PCLO: variants seen among roughly 807,000 people sequenced by gnomAD.
PCLO encodes piccolo presynaptic cytomatrix protein.
In PCLO, 82 loss-of-function variants were observed where a neutral mutation model predicts 427.5. That is an observed-to-expected ratio of 0.19 (90% confidence interval 0.16 to 0.23). The LOEUF is 0.23. Among genes scored for constraint, PCLO ranks in the 10% least tolerant of loss-of-function variants. PCLO has a pLI of 1.00. For synonymous variants in PCLO, 2,357 were observed against 2,155.4 expected (o/e 1.09, Z -2.59); for missense variants, 6,239 against 6,115.9 (o/e 1.02, Z -0.67).
At chr7:83,065,523 C>T (rs1475869718) in intron 3 of PCLO, among the ~76,000 whole-genome samples, 1 of 145,584 alleles carries the variant, frequency 6.9e-6, no homozygotes, top group Admixed American at 6.8e-5. Context: ...AAAGCAAGTA[C>T]TCCCCAGGCT....
At chr7:82,918,413 G>C (rs1584152079) in intron 6 of PCLO, among the ~76,000 whole-genome samples, 1 of 151,700 alleles carries the variant, frequency 6.6e-6, no homozygotes, top group African/African-American at 2.4e-5. Context: ...AGAAAACTAT[G>C]GTTTCTTGAT....
intron 4 of PCLO, among the ~76,000 whole-genome samples, chr7:82,960,703 GGAAT>G (rs776440727): frequency 3.3e-5 from 5 of 151,984 alleles, no homozygotes; most frequent in Non-Finnish European, 5.9e-5. Flanking sequence ...TTGAAAGATA[GGAAT>G]GAATGAAGTA....
rs745415216 is a variant in PCLO, at chr7:82,916,490, A to G, written c.11496T>C (p.Asp3832=). ...AYLQGVAEDR[D]YMSDSEVSST... ...TACTCACTTCACTGTCAGACATGTA[A>G]TCACGATCCTCAGCTACTCCCTGGA... Residue 3832 remains aspartate, a synonymous_variant, in exon 7 of 25, where the codon GAT becomes GAC. Transcript: ENST00000333891. The G allele has an allele frequency of 9.3e-6, 15 of 1,613,568 alleles. No homozygotes were observed. The Admixed American group carries it at 2.5e-4, about 27-fold the overall frequency.
At chr7:82,882,646 G>A (rs1459250184) in intron 9 of PCLO, among the ~76,000 whole-genome samples, 1 of 152,030 alleles carries the variant, frequency 6.6e-6, no homozygotes, top group Non-Finnish European at 1.5e-5. Flanking sequence ...TCAAAGGTTG[G>A]GATATTTATA....
chr7:83,159,518 A>G (rs1207967430), intron 1 of PCLO, among the ~76,000 whole-genome samples: 1 of 152,070 alleles, frequency 6.6e-6, no homozygotes, highest in African/African-American at 2.4e-5. Flanking sequence ...CCTGTCTTCT[A>G]CTGCTAGCTT....
chr7:82,868,432 C>T (rs1793150124), intron 10 of PCLO, among the ~76,000 whole-genome samples: 1 of 152,174 alleles, frequency 6.6e-6, no homozygotes, highest in South Asian at 2.1e-4. Context: ...CTCAGCATTA[C>T]ATCCAACAGC....
intron 9 of PCLO, among the ~76,000 whole-genome samples, chr7:82,896,849 C>CAAA (rs530509711): frequency 2.0e-4 from 30 of 151,602 alleles, no homozygotes; most frequent in Non-Finnish European, 3.7e-4. Flanking sequence ...AACTTAACAA[C>CAAA]ATTTTTAGTG....
intron 3 of PCLO, among the ~76,000 whole-genome samples, chr7:83,043,722 TA>T (rs1207011468): frequency 6.6e-6 from 1 of 152,060 alleles, no homozygotes; most frequent in Non-Finnish European, 1.5e-5. Flanking sequence ...GACAGCAACT[TA>T]AAGATTCAGG....
At chr7:82,886,284 C>CT (rs1294272671) in intron 9 of PCLO, among the ~76,000 whole-genome samples, 4 of 152,054 alleles carry the variant, frequency 2.6e-5, no homozygotes, top group Non-Finnish European at 5.9e-5. Context: ...TTATATCTAT[C>CT]TTTTTCAAAC....
chr7:83,008,967 C>A (rs1239033180), intron 3 of PCLO, among the ~76,000 whole-genome samples: 1 of 151,412 alleles, frequency 6.6e-6, no homozygotes, highest in Non-Finnish European at 1.5e-5. Flanking sequence ...AAATCAGTTT[C>A]CTGAGACATT....
chr7:82,862,845 T>C (rs149680418), intron 10 of PCLO, among the ~76,000 whole-genome samples: 21 of 152,050 alleles, frequency 1.4e-4, no homozygotes, highest in Admixed American at 1.4e-3. Context: ...GGATGGTTAC[T>C]AGAGGTTGGA....
intron 2 of PCLO, among the ~76,000 whole-genome samples, chr7:83,139,565 A>G (rs1238719853): frequency 6.6e-6 from 1 of 152,178 alleles, no homozygotes; most frequent in Non-Finnish European, 1.5e-5. Context: ...ATCTCTACCT[A>G]AGCAGATAGT....
chr7:83,059,357 A>AAAAAATATATAT (rs1332566491), intron 3 of PCLO, among the ~76,000 whole-genome samples: 1 of 111,816 alleles, frequency 8.9e-6, no homozygotes, highest in Non-Finnish European at 1.7e-5. Context: ...ACACCTTTAA[A>AAAAAATATATAT]ATATATATAT....
intron 20 of PCLO, among the ~76,000 whole-genome samples, chr7:82,810,912 A>G (rs1009548459): frequency 6.6e-6 from 1 of 151,728 alleles, no homozygotes; most frequent in Non-Finnish European, 1.5e-5. Context: ...CTTTTATATC[A>G]CATCCAGTTA....
intron 3 of PCLO, among the ~76,000 whole-genome samples, chr7:83,093,492 A>ATATATATTTTTTTTTTTTT: frequency 2.4e-4 from 14 of 59,298 alleles, no homozygotes; most frequent in Admixed American, 2.9e-4. Context: ...ATATATATAT[A>ATATATATTTTTTTTTTTTT]TTTTTTTTTT....
intron 3 of PCLO, among the ~76,000 whole-genome samples, chr7:83,016,238 T>C (rs1788203253): frequency 6.6e-6 from 1 of 152,010 alleles, no homozygotes; most frequent in Non-Finnish European, 1.5e-5. Flanking sequence ...AATTGAATAA[T>C]GCACACAGGT....
chr7:82,965,913 T>A lies in PCLO; in HGVS notation c.3875A>T (p.Gln1292Leu), dbSNP rs774187510. 4.4e-5 allele frequency: 71 copies of A among 1,613,878 alleles called. No homozygotes were observed. The highest frequency in any genetic ancestry group is 5.9e-5 in the Non-Finnish European group (70 of 1,179,872). ...PKTVQEGKQP[Q>L]TKMEGLPSGT... Reference sequence around the variant, plus strand: ...AGATGGTAAACCTTCCATCTTGGTCTGTGGTTGTTTCCCTTCTTGCACTGT... The same window carrying A: ...AGATGGTAAACCTTCCATCTTGGTCAGTGGTTGTTTCCCTTCTTGCACTGT... Residue 1292 changes from glutamine (Q) to leucine (L), a missense_variant, in exon 4 of 25, where the codon CAG becomes CTG. Gln to Leu is a moderately radical substitution (Grantham distance 113). This residue lies in a region of PCLO where 4,677 missense variants were observed against 4,468.4 expected (regional missense o/e 1.05). Transcript: ENST00000333891.
chr7:83,134,231 A>ATATATC lies in PCLO; in HGVS notation c.3300+18_3300+19insGATATA. On this transcript the variant is annotated intron_variant, in intron 3 of 24. Coordinates refer to ENST00000333891, the MANE Select transcript of PCLO (RefSeq NM_033026.6). ...ACCTCCATATGTAATATATATATAT[A>ATATATC]TATATATATATAACTTACCTCAGTC... 1 of 723,920 alleles carries ATATATC rather than the reference A, an allele frequency of 1.4e-6. No homozygotes were observed. Among genetic ancestry groups the ATATATC allele is most frequent in the Non-Finnish European group, 2.0e-6 (1 of 500,744 alleles). The allele number at this position is 723,920 out of a possible 1,614,324, so 44.8% of individuals were successfully genotyped here.
chr7:82,894,113 T>G (rs1009086771), intron 9 of PCLO, among the ~76,000 whole-genome samples: 13 of 151,916 alleles, frequency 8.6e-5, no homozygotes, highest in Admixed American at 8.5e-4. Context: ...AGGAAATACA[T>G]TATAAAAAGT....
Sources: gnomAD v4.1 joint callset for allele counts (sites outside exome capture counted in the v4.1 genomes callset) on GRCh38, gnomAD v4.1.1 for gene constraint, gnomAD v4.1.1 regional missense constraint, MANE v1.5 for transcripts, NCBI Gene and HGNC (gene_info 2026-07-23, HGNC 2026-07-21) for gene names.